Variants in TRHDE observed in about 807,000 individuals in gnomAD.
TRHDE encodes thyrotropin-releasing hormone-degrading ectoenzyme.
In TRHDE, 72 loss-of-function variants were observed where a neutral mutation model predicts 125.7. That is an observed-to-expected ratio of 0.57 (90% CI 0.47 to 0.70). The LOEUF (loss-of-function observed/expected upper bound fraction) is 0.70. Ranked by LOEUF, TRHDE falls within the 30% of genes least tolerant of loss-of-function variation. The pLI is 0.00. For missense variants in TRHDE, 1,110 were observed against 1,327.1 expected (o/e 0.84, Z 2.54); for synonymous variants, 509 against 509.1 (o/e 1.00, Z 0.00).
chr12:72,380,153 C>T (rs1209092951), intron 3 of TRHDE, among the ~76,000 whole-genome samples: 1 of 152,034 alleles, frequency 6.6e-6, no homozygotes, highest in Non-Finnish European at 1.5e-5. Flanking sequence ...GATGGTTTTC[C>T]AGACATATTC....
upstream of TRHDE, among the ~76,000 whole-genome samples, chr12:72,269,219 A>G (rs757491072): frequency 1.3e-5 from 2 of 152,144 alleles, no homozygotes; most frequent in Non-Finnish European, 2.9e-5. Flanking sequence ...AGCGTGCTAT[A>G]TATTTTCAGA....
In TRHDE at chr12:72,305,186, A is replaced by G. The variant is rs1280097921; in HGVS notation, c.1188+18232A>G. On this transcript the variant is annotated intron_variant, in intron 2 of 18. Coordinates refer to ENST00000261180, the MANE Select transcript of TRHDE (RefSeq NM_013381.3). ...TTTTGTATTTTTATTTAAAAGTATTAAAATCCCAACAGTAACAGCAAACAA... is the reference window on the plus strand; with the variant it reads ...TTTTGTATTTTTATTTAAAAGTATTGAAATCCCAACAGTAACAGCAAACAA... 3.9e-5 allele frequency among the ~76,000 whole-genome samples: 6 copies of G among 152,326 alleles called. No individual in the cohort carries two copies. In the East Asian group the frequency reaches 7.7e-4, roughly 20 times the overall value.
intron 2 of TRHDE, among the ~76,000 whole-genome samples, chr12:72,359,276 C>A (rs116822622): frequency 0.023 from 3,432 of 151,648 alleles, 124 homozygotes; most frequent in African/African-American, 0.078. Context: ...TTGAAGGGAA[C>A]TTCCTTATCT....
intron 2 of TRHDE, among the ~76,000 whole-genome samples, chr12:72,112,150 G>A (rs1231406561): frequency 2.6e-5 from 4 of 152,138 alleles, no homozygotes; most frequent in Non-Finnish European, 5.9e-5. Flanking sequence ...GCCAGGAGGG[G>A]ACTGTGAAGT....
In TRHDE at chr12:72,272,892, G is replaced by A; in HGVS notation, c.249G>A (p.Lys83=). The change falls in exon 1 of 19, where the codon AAG becomes AAA. Residue 83 remains lysine (K), a synonymous_variant. Coordinates refer to ENST00000261180, the MANE Select transcript of TRHDE (RefSeq NM_013381.3). The surrounding 1 kb of genome is among the most constrained non-coding windows in gnomAD (Gnocchi z 6.7). ...CGGAGCGCCACATCGCCGTACACAAGCGGCTTGTGCTGGCCTTCGCTGTGT... is the reference window on the plus strand; with the variant it reads ...CGGAGCGCCACATCGCCGTACACAAACGGCTTGTGCTGGCCTTCGCTGTGT... ...RTTERHIAVH[K]RLVLAFAVSL... 6.3e-7 allele frequency: 1 copy of A among 1,579,682 alleles called. No individual in the cohort carries two copies. Among genetic ancestry groups the A allele is most frequent in the Non-Finnish European group, 8.5e-7 (1 of 1,170,914 alleles).
At chr12:72,314,398 T>C (rs11179151) in intron 2 of TRHDE, among the ~76,000 whole-genome samples, 3,666 of 145,144 alleles carry the variant, frequency 0.025, 131 homozygotes, top group African/African-American at 0.086. Flanking sequence ...ACTTGCAATC[T>C]GTTACTCTGG....
At chr12:72,518,250 A>T (rs1035173999) in intron 6 of TRHDE, among the ~76,000 whole-genome samples, 2 of 145,486 alleles carry the variant, frequency 1.4e-5, no homozygotes, top group African/African-American at 5.3e-5. Flanking sequence ...TGGGGTGTTA[A>T]AGTCTCCCAT....
chr12:72,339,526 G>A (rs932967647), intron 2 of TRHDE, among the ~76,000 whole-genome samples: 1 of 152,042 alleles, frequency 6.6e-6, no homozygotes. Flanking sequence ...AGCTGATAGG[G>A]TACTCCAATT....
intron 2 of TRHDE, among the ~76,000 whole-genome samples, chr12:72,107,834 T>G (rs746675660): frequency 1.4e-5 from 2 of 147,922 alleles, no homozygotes; most frequent in Non-Finnish European, 3.0e-5. Flanking sequence ...GAAATCTAAT[T>G]TAGACATTTT....
At chr12:72,594,502 G>GTTT (rs11446527) in intron 12 of TRHDE, among the ~76,000 whole-genome samples, 13,749 of 135,862 alleles carry the variant, frequency 0.1, 883 homozygotes, top group East Asian at 0.34. Context: ...ACAGATGTGA[G>GTTT]TTTTTTTTTT....
chr12:72,202,879 C>A lies in TRHDE; in HGVS notation n.279+97127C>A, dbSNP rs148950947. 7.2e-4 allele frequency among the ~76,000 whole-genome samples: 109 copies of A among 151,954 alleles called. 1 individual carries two copies. The East Asian group carries it at 0.017, about 23-fold the overall frequency. ...TATATTATTACATTTCTGAATACTC[C>A]ATTTGGTTCTTTTTTTATGTTTCCC... On this transcript the variant is annotated intron_variant and non_coding_transcript_variant, in intron 2 of 4. Coordinates refer to the TRHDE transcript ENST00000548156.
At chr12:72,532,313 TA>T (rs762996836) in intron 6 of TRHDE, among the ~76,000 whole-genome samples, 22 of 151,772 alleles carry the variant, frequency 1.4e-4, no homozygotes, top group Non-Finnish European at 2.1e-4. Flanking sequence ...ATCTCTTTGC[TA>T]TACTCTTTTA....
chr12:72,101,217 C>G (rs370798305), intron 1 of TRHDE, among the ~76,000 whole-genome samples: 1 of 152,184 alleles, frequency 6.6e-6, no homozygotes. Context: ...TGCATGATTA[C>G]ATTATACCAC....
At chr12:72,612,920 A>C (rs886939630) in intron 12 of TRHDE, among the ~76,000 whole-genome samples, 2 of 152,188 alleles carry the variant, frequency 1.3e-5, no homozygotes, top group Non-Finnish European at 2.9e-5. Flanking sequence ...TTTCTTATGA[A>C]ATTATCTTTG....
chr12:72,454,961 C>T (rs1232300317), intron 3 of TRHDE, among the ~76,000 whole-genome samples: 2 of 152,186 alleles, frequency 1.3e-5, no homozygotes, highest in South Asian at 4.1e-4. Flanking sequence ...TAACTTGCCT[C>T]CTGCCATTTC....
At chr12:72,378,151 A>G in intron 3 of TRHDE, 30 bp downstream of exon 3, 1 of 1,552,480 alleles carries the variant, frequency 6.4e-7, no homozygotes, top group Non-Finnish European at 8.7e-7. Context: ...TTTTATTGGA[A>G]GGGCTCCTTG....
At chr12:72,346,172 C>A (rs747042985) in intron 2 of TRHDE, among the ~76,000 whole-genome samples, 1 of 151,958 alleles carries the variant, frequency 6.6e-6, no homozygotes, top group Non-Finnish European at 1.5e-5. Flanking sequence ...GACGTTGAGG[C>A]CTGTTGTGGA....
intron 3 of TRHDE, among the ~76,000 whole-genome samples, chr12:72,435,191 G>A (rs778599843): frequency 1.3e-5 from 2 of 152,282 alleles, no homozygotes; most frequent in South Asian, 4.1e-4. Flanking sequence ...TGCTGACTAC[G>A]AATTAAAAAG....
At chr12:72,224,013 T>C (rs1254786903) in intron 2 of TRHDE, among the ~76,000 whole-genome samples, 1 of 151,936 alleles carries the variant, frequency 6.6e-6, no homozygotes, top group Non-Finnish European at 1.5e-5. Context: ...CCTGTTTAAG[T>C]CACAATACTG....
Sources: gnomAD v4.1 joint callset for allele counts (sites outside exome capture counted in the v4.1 genomes callset) on GRCh38, gnomAD v4.1.1 for gene constraint, Gnocchi (gnomAD v3.1) non-coding constraint, MANE v1.5 for transcripts, NCBI Gene and HGNC (gene_info 2026-07-23, HGNC 2026-07-21) for gene names.